Variants in NLRP12 observed in about 807,000 individuals in gnomAD.
The protein encoded by NLRP12 is NLR family pyrin domain containing 12.
A neutral mutation model predicts 91.2 loss-of-function variants in NLRP12; 108 were observed. The ratio of observed to expected loss-of-function variants is 1.18; its 90% CI spans 1.01 to 1.39. The LOEUF (loss-of-function observed/expected upper bound fraction) is 1.39. Ranked by LOEUF, NLRP12 falls within the 40% of genes most tolerant of loss-of-function variation. The pLI is 0.00. For missense variants in NLRP12, 1,530 were observed against 1,352.7 expected, an observed-to-expected ratio of 1.13 and a Z score of -2.06; for synonymous variants, 613 against 566.7, an observed-to-expected ratio of 1.08 and a Z score of -1.16.
At position 53,811,210 on chromosome 19, in the gene NLRP12, C is replaced by G; in HGVS notation, c.449G>C (p.Cys150Ser). 6.2e-7 allele frequency: 1 copy of G among 1,614,156 alleles called. No individual in the cohort carries two copies. The highest frequency in any genetic ancestry group is 1.1e-5 in the South Asian group (1 of 91,088). Residue 150 changes from cysteine (C) to serine (S), a missense_variant, in exon 3 of 10, where the codon TGT becomes TCT. By Grantham distance (112) the Cys-to-Ser change is moderately radical (BLOSUM62 -1). Coordinates refer to ENST00000324134, the MANE Select transcript of NLRP12 (RefSeq NM_144687.4). Reference sequence around the variant, plus strand: ...GGTGTACCGGTGGCTGAGGTTGACACATTCCCCTAGGCGCGCATTGCGGTC... The same window carrying G: ...GGTGTACCGGTGGCTGAGGTTGACAGATTCCCCTAGGCGCGCATTGCGGTC... ...MEDRNARLGE[C>S]VNLSHRYTRL... is the part of the protein sequence containing the mutation.
At position 53,823,988 on chromosome 19, in the gene NLRP12, G is replaced by C; in HGVS notation, c.187C>G (p.His63Asp). The change falls in exon 1 of 10, where the codon CAC becomes GAC. Residue 63 changes from histidine to aspartate, a missense_variant. His to Asp is a moderately conservative substitution (Grantham distance 81, BLOSUM62 -1). Transcript: ENST00000324134. ...PLEMAQLLIT[H>D]FGPEEAWRLA... ...CTCCAGGCCTCCTCTGGCCCGAAGT[G>C]GGTGATGAGCAGCTGGGCCATTTCC... is the stretch of plus-strand genomic sequence containing the variant. 5 of 1,614,156 alleles carry C rather than the reference G, an allele frequency of 3.1e-6. No individual in the cohort carries two copies. Among genetic ancestry groups the C allele is most frequent in the Non-Finnish European group, 4.2e-6 (5 of 1,180,042 alleles).
rs1158053220 is a variant in NLRP12, at chr19:53,801,333, G to T, written c.2650C>A (p.Gln884Lys). The change falls in exon 7 of 10, where the codon CAG (glutamine) becomes AAG (lysine). Residue 884 changes from glutamine (Q) to lysine (K), a missense_variant. Coordinates refer to ENST00000324134, the MANE Select transcript of NLRP12 (RefSeq NM_144687.4). ...CTCAGGTCCAGCTCTCTCAGGCTCT[G>T]GTTCACACTGAGAGTTGAGGCCAGC... ...DELASTLSVN[Q>K]SLRELDLSLN... 3.1e-6 allele frequency: 5 copies of T among 1,613,974 alleles called. No individual in the cohort carries two copies. The South Asian group carries it at 3.3e-5, about 11-fold the overall frequency.
chr19:53,801,936 T>C (rs2091882237), intron 6 of NLRP12, among the ~76,000 whole-genome samples: 1 of 151,772 alleles, frequency 6.6e-6, no homozygotes, highest in Non-Finnish European at 1.5e-5. Flanking sequence ...CTACTAATAA[T>C]ACAAAATTAG....
At position 53,810,941 on chromosome 19, in the gene NLRP12, A is replaced by AGAGCT; in HGVS notation, c.713_717dup (p.Phe240SerfsTer18). 6.2e-7 allele frequency: 1 copy of AGAGCT among 1,614,144 alleles called. No individual in the cohort carries two copies. The highest frequency in any genetic ancestry group is 8.5e-7 in the Non-Finnish European group (1 of 1,180,030). On this transcript the variant is annotated frameshift_variant, in exon 3 of 10. Transcript: ENST00000324134. LOFTEE classifies it high-confidence loss of function. The stretch of plus-strand genomic sequence containing the variant: ...AAGAGATAATCAAATCTGCCTTGGA[A>AGAGCT]GAGCTTCCCGTCCGCCCAGTCCAGC...
intron 1 of NLRP12, among the ~76,000 whole-genome samples, chr19:53,819,543 A>ATATATATACG (rs1555799042): frequency 3.2e-5 from 1 of 31,188 alleles, no homozygotes; most frequent in African/African-American, 1.2e-4. Context: ...ATGTATACGT[A>ATATATATACG]TATATATGTA....
intron 1 of NLRP12, among the ~76,000 whole-genome samples, chr19:53,823,489 A>AACATATTTTAAAATAT (rs1568703171): frequency 7.6e-5 from 6 of 78,804 alleles, no homozygotes; most frequent in Non-Finnish European, 1.5e-4. Flanking sequence ...TATATTTTAA[A>AACATATTTTAAAATAT]ATATATTTAT....
chr19:53,798,835 A>G (rs1433983309), intron 7 of NLRP12, among the ~76,000 whole-genome samples: 1 of 151,680 alleles, frequency 6.6e-6, no homozygotes, highest in Non-Finnish European at 1.5e-5. Flanking sequence ...TCCACCTCAC[A>G]AGCTCAAGCG....
At position 53,809,658 on chromosome 19, in the gene NLRP12, G is replaced by A. The variant is rs143460006; in HGVS notation, c.2001C>T (p.Gly667=). Residue 667 remains glycine (G), a synonymous_variant, in exon 3 of 10, where the codon GGC becomes GGT. Transcript: ENST00000324134. ...CRSAQVLHLY[G]ATYSADGEDR... Reference sequence around the variant, plus strand: ...CTTCCCCGTCCGCGCTGTAGGTGGCGCCATACAAGTGCAGCACCTGGGCGC... The same window carrying A: ...CTTCCCCGTCCGCGCTGTAGGTGGCACCATACAAGTGCAGCACCTGGGCGC... 19 of 1,613,724 alleles carry A rather than the reference G, an allele frequency of 1.2e-5. No individual in the cohort carries two copies. In the African/African-American group the frequency reaches 1.2e-4, roughly 10 times the overall value.
rs376754003 is a variant in NLRP12, at chr19:53,824,140, C to T, written c.35G>A (p.Arg12His). Residue 12 changes from arginine (R) to histidine (H), a missense_variant, in exon 1 of 10, where the codon CGC becomes CAC. Arg to His is a conservative substitution (Grantham distance 29). Coordinates refer to ENST00000324134, the MANE Select transcript of NLRP12 (RefSeq NM_144687.4). ...GAGTTCTTCCAAGTAGGTGGACAGG[C>T]GACAGAGGCCGTCCCTGCCTGCGGT... ...LRTAGRDGLC[R>H]LSTYLEELEA... 25 of 1,613,934 alleles carry T rather than the reference C, an allele frequency of 1.5e-5. No homozygotes were observed. Among genetic ancestry groups the T allele is most frequent in the African/African-American group, 2.7e-5 (2 of 74,880 alleles).
chr19:53,813,329 G>T (rs2092109639), intron 2 of NLRP12, among the ~76,000 whole-genome samples: 2 of 102,500 alleles, frequency 2.0e-5, no homozygotes, highest in Non-Finnish European at 1.8e-5. Context: ...TTGAGACAGA[G>T]TCTTGCTCTG....
intron 1 of NLRP12, among the ~76,000 whole-genome samples, chr19:53,821,383 T>C (rs2092263181): frequency 6.6e-6 from 1 of 151,014 alleles, no homozygotes; most frequent in South Asian, 2.2e-4. Flanking sequence ...AAAGAAATCA[T>C]GTTGGCTGGG....
At chr19:53,807,458 G>T in intron 4 of NLRP12, 37 bp downstream of exon 4, 3 of 1,602,388 alleles carry the variant, frequency 1.9e-6, no homozygotes, top group Non-Finnish European at 2.6e-6. Flanking sequence ...GGCCACGGTG[G>T]GGACCACCTG....
rs189322734 is a variant in NLRP12 at position 53,818,613 on chromosome 19, C to G, written c.290-3625G>C. On this transcript the variant is annotated intron_variant, in intron 1 of 9. Coordinates refer to ENST00000324134, the MANE Select transcript of NLRP12 (RefSeq NM_144687.4). ...CCGGGAGGCGGAGGTTGCAGTGAGC[C>G]GAGAACGCACCACTGCACTCCGGCC... Among the ~76,000 whole-genome samples the G allele has an allele frequency of 2.3e-3, 354 of 151,806 alleles. 1 individual carries two copies. The highest frequency in any genetic ancestry group is 8.3e-3 in the African/African-American group (343 of 41,380).
chr19:53,819,457 A>ATGTGTGTG (rs1208045764), intron 1 of NLRP12, among the ~76,000 whole-genome samples: 50 of 4,582 alleles, frequency 0.011, 7 homozygotes, highest in East Asian at 0.024. Flanking sequence ...ATATATATAT[A>ATGTGTGTG]TGTGTGTGTG....
chr19:53,805,484 T>C lies in NLRP12; in HGVS notation c.2244-34A>G, dbSNP rs150989177. The C allele has an allele frequency of 5.0e-5, 81 of 1,610,496 alleles. No individual in the cohort carries two copies. In the African/African-American group the frequency reaches 8.8e-4, roughly 18 times the overall value. On this transcript the variant is annotated intron_variant, in intron 4 of 9. Transcript: ENST00000324134. ...GAAAAGAGGAGAAAGGAGCTGGTCA[T>C]TTCTTTTGCTCCAGTTTTGTGGATT...
intron 1 of NLRP12, among the ~76,000 whole-genome samples, chr19:53,820,977 C>T (rs1170639654): frequency 6.6e-6 from 1 of 151,010 alleles, no homozygotes; most frequent in East Asian, 2.0e-4. Context: ...TTGTGTTAAG[C>T]ACTTTGCATG....
intron 1 of NLRP12, among the ~76,000 whole-genome samples, chr19:53,821,338 C>A (rs1261531981): frequency 6.6e-6 from 1 of 151,584 alleles, no homozygotes; most frequent in East Asian, 2.0e-4. Context: ...GCACCCAGCT[C>A]ATTGTGATTA....
chr19:53,803,909 G>T, intron 6 of NLRP12, 43 bp downstream of exon 6: 1 of 1,583,550 alleles, frequency 6.3e-7, no homozygotes, highest in South Asian at 1.1e-5. Flanking sequence ...TCAATATGAA[G>T]AGATTTGCCA....
At chr19:53,816,149 G>T (rs2092155954) in intron 1 of NLRP12, among the ~76,000 whole-genome samples, 1 of 151,698 alleles carries the variant, frequency 6.6e-6, no homozygotes. Context: ...TCCTCAGAAG[G>T]CCCCCCAAAG....
Sources: gnomAD v4.1 joint callset for allele counts (sites outside exome capture counted in the v4.1 genomes callset) on GRCh38, gnomAD v4.1.1 for gene constraint, MANE v1.5 for transcripts, NCBI Gene and HGNC (gene_info 2026-07-23, HGNC 2026-07-21) for gene names.